MYO5A: variants seen among roughly 807,000 people sequenced by gnomAD.
MYO5A encodes the protein myosin VA.
A neutral mutation model predicts 249.7 loss-of-function variants in MYO5A; 98 were observed. The ratio of observed to expected loss-of-function variants is 0.39; its 90% confidence interval spans 0.33 to 0.46. The LOEUF is 0.46. Among genes scored for constraint, MYO5A ranks in the 20% least tolerant of loss-of-function variants. The pLI is 0.98. For missense variants in MYO5A, 1,696 were observed against 2,308.8 expected (o/e 0.73, Z 5.44); for synonymous variants, 778 against 810.6 (o/e 0.96, Z 0.68).
At chr15:52,354,407 C>T (rs960408423) in intron 25 of MYO5A, among the ~76,000 whole-genome samples, 14 of 152,136 alleles carry the variant, frequency 9.2e-5, no homozygotes, top group Non-Finnish European at 1.9e-4. Context: ...GAAATACTTA[C>T]ACAAGTATAT....
At chr15:52,474,423 A>G (rs1418737528) in intron 1 of MYO5A, among the ~76,000 whole-genome samples, 1 of 152,096 alleles carries the variant, frequency 6.6e-6, no homozygotes, top group Non-Finnish European at 1.5e-5. Flanking sequence ...TTCCAACACT[A>G]TGTTGAATAG....
Position 52,354,153 on chromosome 15 carries a change from A to C in MYO5A, c.3424-139T>G. 4 of 1,038,514 alleles carry C rather than the reference A, an allele frequency of 3.9e-6. No homozygotes were observed. The South Asian group carries it at 6.6e-5, about 17-fold the overall frequency. The allele number at this position is 1,038,514 out of a possible 1,614,324, so 64.3% of individuals were successfully genotyped here. A position where few individuals can be genotyped will look rare whatever the true frequency, so the allele number is the denominator to read the frequency against. ...CAAACATCTAGAGAATATATTTTTA[A>C]AATGCTCAACCTAGCTAACAATGAG... On this transcript the variant is annotated intron_variant, in intron 25 of 41. Transcript: ENST00000399233.
At chr15:52,348,680 C>T (rs956326455) in intron 29 of MYO5A, 138 bp downstream of exon 29, 7 of 778,354 alleles carry the variant, frequency 9.0e-6, no homozygotes, top group African/African-American at 3.5e-5. Context: ...GGAGTCAAAT[C>T]GGAAATTCAC....
Position 52,396,370 on chromosome 15 carries a change from A to G in MYO5A, c.1347T>C (p.Phe449=). 6.4e-7 allele frequency: 1 copy of G among 1,569,954 alleles called. No homozygotes were observed. Among genetic ancestry groups the G allele is most frequent in the Non-Finnish European group, 8.7e-7 (1 of 1,143,012 alleles). ...TTGCATAATTTATGCAAAACTGTTC[A>G]AAACTATTTATCTCAAATGTTTCAA... ...YGFETFEINS[F]EQFCINYANE... Residue 449 remains phenylalanine (F), a synonymous_variant, in exon 11 of 42, where the codon TTT becomes TTC. Coordinates refer to ENST00000399233, the MANE Select transcript of MYO5A (RefSeq NM_001382347.1).
chr15:52,397,206 A>G lies in MYO5A; in HGVS notation c.1314T>C (p.Ile438=). The change falls in exon 10 of 42, where the codon ATT becomes ATC. Residue 438 remains isoleucine, a synonymous_variant. Transcript: ENST00000399233. ...KQHSFIGVLD[I]YGFETFEINS... ...AATTAGCCAAATATACTCACCCGTAAATGTCTAGCACACCAATAAAAGAGT... is the reference window on the plus strand; with the variant it reads ...AATTAGCCAAATATACTCACCCGTAGATGTCTAGCACACCAATAAAAGAGT... 6.2e-7 allele frequency: 1 copy of G among 1,614,080 alleles called. No individual in the cohort carries two copies. Among genetic ancestry groups the G allele is most frequent in the Non-Finnish European group, 8.5e-7 (1 of 1,179,970 alleles).
chr15:52,351,470 T>G lies in MYO5A; in HGVS notation c.3633A>C (p.Leu1211=). The part of the protein sequence containing the change: ...LEYESLKRQE[L]ESENKKLKNE... Reference sequence around the variant, plus strand: ...TCTTCAGTTTTTTGTTTTCTGATTCTAGTTCTTGACGCTGTATGAAAAGAC... The same window carrying G: ...TCTTCAGTTTTTTGTTTTCTGATTCGAGTTCTTGACGCTGTATGAAAAGAC... Residue 1211 remains leucine, a synonymous_variant, in exon 28 of 42, where the codon CTA becomes CTC. Coordinates refer to ENST00000399233, the MANE Select transcript of MYO5A (RefSeq NM_001382347.1). The G allele has an allele frequency of 6.2e-7, 1 of 1,614,088 alleles. No individual in the cohort carries two copies. The highest frequency in any genetic ancestry group is 1.1e-5 in the South Asian group (1 of 91,082).
chr15:52,384,440 C>T, intron 14 of MYO5A, 118 bp from the exon 15 acceptor site: 1 of 1,009,530 alleles, frequency 9.9e-7, no homozygotes, highest in Non-Finnish European at 1.5e-6. Flanking sequence ...AGTCACACTC[C>T]AGAAAGAGTC....
At chr15:52,508,246 A>C (rs897772598) in intron 1 of MYO5A, among the ~76,000 whole-genome samples, 1 of 152,190 alleles carries the variant, frequency 6.6e-6, no homozygotes, top group African/African-American at 2.4e-5. Context: ...TTTCTGGTTC[A>C]CACAAGTCCT....
chr15:52,384,041 G>A, intron 15 of MYO5A, 120 bp downstream of exon 15: 1 of 1,223,840 alleles, frequency 8.2e-7, no homozygotes, highest in Non-Finnish European at 1.2e-6. Context: ...TGATCTCACA[G>A]TGAAAGCTCT....
At chr15:52,405,523 A>C in intron 8 of MYO5A, 130 bp from the exon 9 acceptor site, 1 of 729,696 alleles carries the variant, frequency 1.4e-6, no homozygotes. Flanking sequence ...AATGTGTCAT[A>C]GCTAACAACA....
chr15:52,347,256 G>A (rs1276548771), intron 29 of MYO5A, among the ~76,000 whole-genome samples: 1 of 151,948 alleles, frequency 6.6e-6, no homozygotes, highest in Non-Finnish European at 1.5e-5. Context: ...ATCACTGCTG[G>A]CAAACCACAA....
chr15:52,388,037 A>T, intron 13 of MYO5A, 125 bp from the exon 14 acceptor site: 1 of 733,904 alleles, frequency 1.4e-6, no homozygotes, highest in South Asian at 1.6e-5. Context: ...TGGTATTATC[A>T]GTCTTTTCCA....
Position 52,379,675 on chromosome 15 carries a change from G to A in MYO5A, c.2158C>T (p.Leu720=). Residue 720 remains leucine (L), a synonymous_variant, in exon 18 of 42, where the codon CTG becomes TTG. Coordinates refer to ENST00000399233, the MANE Select transcript of MYO5A (RefSeq NM_001382347.1). Reference sequence around the variant, plus strand: ...TTGCATGTTTGCTTTCTGTCACTCAGCACATCTTTCTGCTTCATTAGGACA... The same window carrying A: ...TTGCATGTTTGCTTTCTGTCACTCAACACATCTTTCTGCTTCATTAGGACA... The part of the protein sequence containing the change: ...YRVLMKQKDV[L]SDRKQTCKNV... 1 of 1,614,182 alleles carries A rather than the reference G, an allele frequency of 6.2e-7. No homozygotes were observed. The highest frequency in any genetic ancestry group is 8.5e-7 in the Non-Finnish European group (1 of 1,180,024).
At chr15:52,469,573 C>T (rs2462855) in intron 1 of MYO5A, among the ~76,000 whole-genome samples, 7,404 of 152,218 alleles carry the variant, frequency 0.049, 250 homozygotes, top group South Asian at 0.14. Context: ...GCAGGAGAAA[C>T]AGGCACACTT....
At chr15:52,363,502 G>A (rs2040644897) in intron 24 of MYO5A, among the ~76,000 whole-genome samples, 1 of 152,174 alleles carries the variant, frequency 6.6e-6, no homozygotes, top group Admixed American at 6.5e-5. Flanking sequence ...TCTGCAAGGT[G>A]ATGAGAGCCT....
Position 52,370,407 on chromosome 15 carries a change from T to C in MYO5A, c.2828A>G (p.Tyr943Cys), listed in dbSNP as rs758644334. 19 of 1,611,232 alleles carry C rather than the reference T, an allele frequency of 1.2e-5. No homozygotes were observed. The East Asian group carries it at 4.2e-4, about 36-fold the overall frequency. Residue 943 changes from tyrosine (Y) to cysteine (C), a missense_variant, in exon 22 of 42, where the codon TAC becomes TGC. Transcript: ENST00000399233. Reference sequence around the variant, plus strand: ...GGTTAGTTTCTCCACAAGGCATTTGTAGTCTTTGTTCTTTAAACATACACA... The same window carrying C: ...GGTTAGTTTCTCCACAAGGCATTTGCAGTCTTTGTTCTTTAAACATACACA... Reference protein sequence around the residue: ...QRKVDEQNKDYKCLVEKLTNL... With the variant: ...QRKVDEQNKDCKCLVEKLTNL...
chr15:52,480,940 C>T lies in MYO5A; in HGVS notation c.28-47655G>A, dbSNP rs118114960. ...CAGGCACAGGTCTAGTCCTGGGATA[C>T]AGCATTGCACTTGCAGCTGGATTCA... On this transcript the variant is annotated intron_variant, in intron 1 of 41. Transcript: ENST00000399233. 2.1e-3 allele frequency among the ~76,000 whole-genome samples: 318 copies of T among 152,334 alleles called. 1 individual carries two copies. Among genetic ancestry groups the T allele is most frequent in the Non-Finnish European group, 3.9e-3 (262 of 68,032 alleles).
chr15:52,484,209 C>T (rs944535070), intron 1 of MYO5A, among the ~76,000 whole-genome samples: 1 of 152,098 alleles, frequency 6.6e-6, no homozygotes, highest in African/African-American at 2.4e-5. Context: ...GCAAGTTGAA[C>T]GTATTACAGG....
At chr15:52,418,182 G>A (rs2043606526) in intron 4 of MYO5A, among the ~76,000 whole-genome samples, 1 of 152,222 alleles carries the variant, frequency 6.6e-6, no homozygotes, top group African/African-American at 2.4e-5. Context: ...AGTAATGACA[G>A]ATTTATGATT....
Sources: allele counts gnomAD v4.1 joint callset (sites outside exome capture counted in the v4.1 genomes callset), GRCh38; gene constraint gnomAD v4.1.1; transcripts MANE v1.5; gene names NCBI Gene and HGNC (gene_info 2026-07-23, HGNC 2026-07-21).